SLC14A2: variants seen among roughly 807,000 people sequenced by gnomAD.
SLC14A2 encodes the protein solute carrier family 14 member 2, also known as urea transporter 2.
A neutral mutation model predicts 104.6 loss-of-function variants in SLC14A2; 91 were observed. The observed-to-expected ratio is 0.87, with a 90% CI of 0.73 to 1.04. The LOEUF (loss-of-function observed/expected upper bound fraction) is 1.04, where lower values mean the gene tolerates loss of function less well. Ranked by LOEUF, SLC14A2 falls within the 50% of genes least tolerant of loss-of-function variation. The pLI is 0.00. For synonymous variants in SLC14A2, 476 were observed against 466.4 expected (o/e 1.02, Z -0.27); for missense variants, 1,189 against 1,156.0 (o/e 1.03, Z -0.41).
At chr18:45,193,156 T>C in the SLC14A2 span, among the ~76,000 whole-genome samples, 2 of 152,246 alleles carry the variant, frequency 1.3e-5, no homozygotes, top group South Asian at 2.1e-4. Context: ...AGACACATAT[T>C]TGCCAATATT....
chr18:45,347,852 T>C (rs541625660), intron 1 of SLC14A2, among the ~76,000 whole-genome samples: 1 of 152,212 alleles, frequency 6.6e-6, no homozygotes, highest in African/African-American at 2.4e-5. Flanking sequence ...CATGCTTTTT[T>C]AGTGCTTACA....
chr18:45,378,073 A>G (rs1224350926), intron 1 of SLC14A2, among the ~76,000 whole-genome samples: 1 of 152,196 alleles, frequency 6.6e-6, no homozygotes, highest in Non-Finnish European at 1.5e-5. Flanking sequence ...AAACCAGTGT[A>G]ATCTCTATCT....
intron 2 of SLC14A2, among the ~76,000 whole-genome samples, chr18:45,586,203 A>C (rs551517597): frequency 6.6e-6 from 1 of 152,328 alleles, no homozygotes; most frequent in East Asian, 1.9e-4. Flanking sequence ...GTGTCACTCT[A>C]GGTGAGGTGG....
the SLC14A2 span, among the ~76,000 whole-genome samples, chr18:45,197,755 A>C: frequency 2.0e-5 from 3 of 152,182 alleles, no homozygotes; most frequent in Admixed American, 1.3e-4. Flanking sequence ...TTGAAGTGTG[A>C]CCATTCATGT....
chr18:45,263,426 AG>A (rs1466370614), intron 1 of SLC14A2, among the ~76,000 whole-genome samples: 1 of 152,126 alleles, frequency 6.6e-6, no homozygotes, highest in African/African-American at 2.4e-5. Flanking sequence ...TCCACTGCAA[AG>A]TTCCTTTTCT....
intron 1 of SLC14A2, among the ~76,000 whole-genome samples, chr18:45,306,574 T>C (rs2085023769): frequency 6.6e-6 from 1 of 152,216 alleles, no homozygotes; most frequent in Non-Finnish European, 1.5e-5. Flanking sequence ...GATGAAATAC[T>C]ATTCCTCATT....
chr18:45,210,671 C>T (rs1161799640), upstream of SLC14A2, among the ~76,000 whole-genome samples: 3 of 152,192 alleles, frequency 2.0e-5, no homozygotes, highest in Admixed American at 1.3e-4. Context: ...CATCATGGAC[C>T]ACAAGATTGG....
chr18:45,644,267 C>T, intron 10 of SLC14A2, 107 bp downstream of exon 10: 1 of 1,084,292 alleles, frequency 9.2e-7, no homozygotes, highest in Non-Finnish European at 1.4e-6. Flanking sequence ...TTCTTTGCCT[C>T]TCCTTGCACC....
intron 1 of SLC14A2, among the ~76,000 whole-genome samples, chr18:45,332,453 T>C (rs1287526469): frequency 6.6e-6 from 1 of 151,984 alleles, no homozygotes; most frequent in East Asian, 1.9e-4. Flanking sequence ...TATAAGAGAG[T>C]TGAGTATCCA....
At chr18:45,645,421 A>C (rs1377477794) in intron 10 of SLC14A2, among the ~76,000 whole-genome samples, 3 of 152,002 alleles carry the variant, frequency 2.0e-5, no homozygotes, top group African/African-American at 4.8e-5. Flanking sequence ...TAAGGAAAGT[A>C]CCTGAGTTCC....
chr18:45,295,138 C>A (rs1409776667), intron 1 of SLC14A2, among the ~76,000 whole-genome samples: 2 of 152,140 alleles, frequency 1.3e-5, no homozygotes, highest in African/African-American at 4.8e-5. Context: ...GGAGTTGAGT[C>A]CCCAGGCCAC....
chr18:45,418,234 C>T (rs1440224987), intron 1 of SLC14A2, among the ~76,000 whole-genome samples: 1 of 152,138 alleles, frequency 6.6e-6, no homozygotes, highest in African/African-American at 2.4e-5. Context: ...GATTCTTATC[C>T]TCTGGGTACT....
chr18:45,208,154 A>G (rs1175918244), upstream of SLC14A2, among the ~76,000 whole-genome samples: 1 of 152,204 alleles, frequency 6.6e-6, no homozygotes, highest in Non-Finnish European at 1.5e-5. Context: ...ACTTCTCACA[A>G]GCCCATGGGC....
At chr18:45,652,330 C>A (rs2045755059) in intron 10 of SLC14A2, among the ~76,000 whole-genome samples, 2 of 152,232 alleles carry the variant, frequency 1.3e-5, no homozygotes, top group Admixed American at 1.3e-4. Context: ...CCTTCTACCC[C>A]AAGTGGAACT....
rs376502924 is a variant in SLC14A2 at position 45,467,385 on chromosome 18, G to A, written c.-124-15848G>A. Among the ~76,000 whole-genome samples, 5 of 152,260 alleles carry A rather than the reference G, an allele frequency of 3.3e-5. No individual in the cohort carries two copies. The East Asian group carries it at 5.8e-4, about 18-fold the overall frequency. On this transcript the variant is annotated intron_variant, in intron 1 of 20. Coordinates refer to the SLC14A2 transcript ENST00000586448. Reference sequence around the variant, plus strand: ...TTCCCCCATATTGGCTGTTGTTGAGGTTTGGCATCAGCCCCTGCAACCTCA... The same window carrying A: ...TTCCCCCATATTGGCTGTTGTTGAGATTTGGCATCAGCCCCTGCAACCTCA...
chr18:45,637,291 A>G (rs751631076), intron 6 of SLC14A2, 109 bp downstream of exon 6: 7 of 832,004 alleles, frequency 8.4e-6, no homozygotes, highest in Non-Finnish European at 1.3e-5. Context: ...AAACATCTAT[A>G]CCAGATGATG....
At chr18:45,203,681 C>A in the SLC14A2 span, among the ~76,000 whole-genome samples, 2 of 152,292 alleles carry the variant, frequency 1.3e-5, no homozygotes, top group East Asian at 3.9e-4. Flanking sequence ...TCACATATGG[C>A]ATCTTTCAAT....
At chr18:45,187,466 G>T in the SLC14A2 span, among the ~76,000 whole-genome samples, 1 of 152,124 alleles carries the variant, frequency 6.6e-6, no homozygotes, top group African/African-American at 2.4e-5. Context: ...TAATCTGGGG[G>T]TACTAAAATT....
chr18:45,402,422 A>G (rs2086106415), intron 1 of SLC14A2, among the ~76,000 whole-genome samples: 1 of 152,242 alleles, frequency 6.6e-6, no homozygotes, highest in Admixed American at 6.5e-5. Flanking sequence ...CGCTGTCATT[A>G]TTACTCTACA....
Sources: gnomAD v4.1 joint callset for allele counts (sites outside exome capture counted in the v4.1 genomes callset) on GRCh38, gnomAD v4.1.1 for gene constraint, MANE v1.5 for transcripts, NCBI Gene and HGNC (gene_info 2026-07-23, HGNC 2026-07-21) for gene names.